SHISAL2A: variants seen among roughly 807,000 people sequenced by gnomAD.
The protein encoded by SHISAL2A is protein shisa-like-2A.
SHISAL2A carries 18 observed loss-of-function variants against 11.5 expected under a neutral mutation model. The ratio of observed to expected loss-of-function variants is 1.57; its 90% CI spans 1.08 to 2.33. The LOEUF (loss-of-function observed/expected upper bound fraction) is 2.33. SHISAL2A is among the 30% of genes most tolerant of loss of function. The pLI is 0.00. For missense variants in SHISAL2A, 261 were observed against 250.9 expected, an observed-to-expected ratio of 1.04 and a Z score of -0.27; for synonymous variants, 94 against 99.6, an observed-to-expected ratio of 0.94 and a Z score of 0.34.
Position 52,642,861 on chromosome 1 carries a change from A to G in SHISAL2A, c.183-2A>G, listed in dbSNP as rs753111796. ...AGCTCCCATGTGGTCTTCTCTTCCC[A>G]GCATTGGCGCTCTCATAGGCCTGTC... On this transcript the variant is annotated splice_acceptor_variant, in intron 1 of 2. Transcript: ENST00000517870. LOFTEE classifies it high-confidence loss of function. 4.3e-6 allele frequency: 7 copies of G among 1,612,718 alleles called. No homozygotes were observed. The African/African-American group carries it at 8.0e-5, about 18-fold the overall frequency.
At chr1:52,638,973 A>T (rs1691297967) in intron 1 of SHISAL2A, among the ~76,000 whole-genome samples, 1 of 152,172 alleles carries the variant, frequency 6.6e-6, no homozygotes. Flanking sequence ...AGAGTTGGAG[A>T]CAACCTTGGG....
downstream of SHISAL2A, among the ~76,000 whole-genome samples, chr1:52,660,963 T>G (rs1298930720): frequency 6.6e-6 from 1 of 152,204 alleles, no homozygotes; most frequent in East Asian, 1.9e-4. Context: ...AAGGACCCAC[T>G]GACAGGTGAA....
intron 2 of SHISAL2A, among the ~76,000 whole-genome samples, chr1:52,656,424 A>G (rs1691791847): frequency 6.8e-6 from 1 of 146,194 alleles, no homozygotes; most frequent in Non-Finnish European, 1.5e-5. Context: ...AGCGAGAACA[A>G]TCTATGTTTT....
intron 2 of SHISAL2A, among the ~76,000 whole-genome samples, chr1:52,647,408 A>G (rs1691524578): frequency 6.6e-6 from 1 of 152,230 alleles, no homozygotes; most frequent in Non-Finnish European, 1.5e-5. Context: ...ATGAGAATCA[A>G]CTGTATATAA....
chr1:52,664,316 G>A (rs1318642654), intron 4 of SHISAL2A, among the ~76,000 whole-genome samples: 1 of 150,794 alleles, frequency 6.6e-6, no homozygotes, highest in Middle Eastern at 3.4e-3. Flanking sequence ...TCAGCCTCTC[G>A]AATAGCTGGG....
At chr1:52,660,044 G>A (rs561730522), downstream of SHISAL2A, among the ~76,000 whole-genome samples, 23 of 152,178 alleles carry the variant, frequency 1.5e-4, no homozygotes, top group South Asian at 2.1e-4. Flanking sequence ...CCCAGTGTCT[G>A]ACTCAGTAGG....
At chr1:52,641,775 C>T (rs1317205674) in intron 1 of SHISAL2A, among the ~76,000 whole-genome samples, 1 of 151,334 alleles carries the variant, frequency 6.6e-6, no homozygotes, top group Admixed American at 6.6e-5. Context: ...AACCTGGTCT[C>T]TATTTTCTTT....
At chr1:52,669,115 C>T (rs1692063539) in exon 6 of SHISAL2A, 1 of 151,316 alleles carries the variant, frequency 6.6e-6, no homozygotes, top group East Asian at 1.9e-4. Context: ...CTGACACAAG[C>T]CCATGTACCA....
Position 52,633,572 on chromosome 1 carries a change from G to T in SHISAL2A, c.79G>T (p.Glu27Ter), listed in dbSNP as rs547378101. 9 of 1,611,142 alleles carry T rather than the reference G, an allele frequency of 5.6e-6. No homozygotes were observed. Among genetic ancestry groups the T allele is most frequent in the African/African-American group, 1.3e-5 (1 of 74,774 alleles). The change falls in exon 1 of 3, where the codon GAG (glutamate) becomes TAG (stop). Residue 27 changes from glutamate (E) to a stop codon, truncating the protein, a stop_gained. Coordinates refer to ENST00000517870, the MANE Select transcript of SHISAL2A (RefSeq NM_001042693.3). LOFTEE classifies it high-confidence loss of function. The surrounding 1 kb of genome is among the most constrained non-coding windows in gnomAD (Gnocchi z 6.4). Reference protein sequence around the residue: ...RGFSCPRPGGEAAAVFCCGFR... With the variant: ...RGFSCPRPGG ...CTTCAGCTGCCCGCGGCCGGGGGGCGAGGCGGCCGCTGTCTTCTGCTGCGG... is the reference window on the plus strand; with the variant it reads ...CTTCAGCTGCCCGCGGCCGGGGGGCTAGGCGGCCGCTGTCTTCTGCTGCGG...
In SHISAL2A at chr1:52,633,604, C is replaced by T. The variant is rs202139774; in HGVS notation, c.111C>T (p.Arg37=). 2.5e-6 allele frequency: 4 copies of T among 1,612,510 alleles called. No individual in the cohort carries two copies. Among genetic ancestry groups the T allele is most frequent in the East Asian group, 2.2e-5 (1 of 44,700 alleles). ...CCGCTGTCTTCTGCTGCGGCTTCCG[C>T]GACCACAAGTACTGCTGCGACGACC... is the stretch of plus-strand genomic sequence containing the variant. ...EAAAVFCCGF[R]DHKYCCDDPH... Residue 37 remains arginine, a synonymous_variant, in exon 1 of 3, where the codon CGC becomes CGT. Coordinates refer to ENST00000517870, the MANE Select transcript of SHISAL2A (RefSeq NM_001042693.3). The surrounding 1 kb of genome is among the most constrained non-coding windows in gnomAD (Gnocchi z 6.4).
chr1:52,648,058 A>T (rs6678602), intron 2 of SHISAL2A, among the ~76,000 whole-genome samples: 51,231 of 120,828 alleles, frequency 0.42, 9,056 homozygotes, highest in South Asian at 0.46. Context: ...AATATATATA[A>T]TTATATATTA....
chr1:52,666,551 C>T (rs779124515), intron 4 of SHISAL2A, among the ~76,000 whole-genome samples: 9 of 151,794 alleles, frequency 5.9e-5, no homozygotes, highest in Non-Finnish European at 1.0e-4. Flanking sequence ...GATCATTTTA[C>T]TTCTCTGAAC....
At chr1:52,641,632 G>A (rs1189182508) in intron 1 of SHISAL2A, among the ~76,000 whole-genome samples, 1 of 152,164 alleles carries the variant, frequency 6.6e-6, no homozygotes, top group African/African-American at 2.4e-5. Flanking sequence ...GAACCATGGA[G>A]GTTGGGTCAG....
chr1:52,664,747 C>T (rs1279380560), intron 4 of SHISAL2A, among the ~76,000 whole-genome samples: 3 of 152,068 alleles, frequency 2.0e-5, no homozygotes, highest in Non-Finnish European at 4.4e-5. Flanking sequence ...CCGCCTGCCT[C>T]GGCCTCCCAA....
At chr1:52,658,219 T>C (rs533712091), downstream of SHISAL2A, among the ~76,000 whole-genome samples, 3 of 152,256 alleles carry the variant, frequency 2.0e-5, no homozygotes, top group South Asian at 6.2e-4. Flanking sequence ...TTTGTATTTT[T>C]AGTGGAGACG....
downstream of SHISAL2A, among the ~76,000 whole-genome samples, chr1:52,658,774 C>T (rs766471179): frequency 1.3e-5 from 2 of 152,218 alleles, no homozygotes; most frequent in African/African-American, 4.8e-5. Flanking sequence ...GCTTCGCCTT[C>T]GGAATGCAAG....
intron 1 of SHISAL2A, among the ~76,000 whole-genome samples, chr1:52,638,567 T>C (rs1691289139): frequency 6.6e-6 from 1 of 152,168 alleles, no homozygotes; most frequent in Non-Finnish European, 1.5e-5. Context: ...GAGGATTTGA[T>C]GGCAAGTAGT....
chr1:52,646,555 G>T (rs965823061), intron 2 of SHISAL2A, among the ~76,000 whole-genome samples: 1 of 149,782 alleles, frequency 6.7e-6, no homozygotes, highest in African/African-American at 2.5e-5. Context: ...CTCCAATTCT[G>T]TATTTGCAAA....
chr1:52,663,319 G>T (rs1246846073), intron 4 of SHISAL2A, among the ~76,000 whole-genome samples: 1 of 152,144 alleles, frequency 6.6e-6, no homozygotes, highest in African/African-American at 2.4e-5. Context: ...AGAATCCCAA[G>T]CACAGGTTCC....
Sources: gnomAD v4.1 joint callset for allele counts (sites outside exome capture counted in the v4.1 genomes callset) on GRCh38, gnomAD v4.1.1 for gene constraint, Gnocchi (gnomAD v3.1) non-coding constraint, MANE v1.5 for transcripts, NCBI Gene and HGNC (gene_info 2026-07-23, HGNC 2026-07-21) for gene names.